MTUS2: variants seen among roughly 807,000 people sequenced by gnomAD.
The protein encoded by MTUS2 is microtubule-associated tumor suppressor candidate 2.
MTUS2 carries 40 observed loss-of-function variants against 114.1 expected under a neutral mutation model. That is an observed-to-expected ratio of 0.35 (90% CI 0.27 to 0.46). The LOEUF (loss-of-function observed/expected upper bound fraction) is 0.46. Ranked by LOEUF, MTUS2 falls within the 20% of genes least tolerant of loss-of-function variation. The pLI is 1.00. For synonymous variants in MTUS2, 688 were observed against 672.0 expected (o/e 1.02, Z -0.37); for missense variants, 1,679 against 1,705.4 (o/e 0.98, Z 0.27).
At chr13:29,118,240 A>G (rs967113336) in intron 5 of MTUS2, among the ~76,000 whole-genome samples, 4 of 151,726 alleles carry the variant, frequency 2.6e-5, no homozygotes, top group African/African-American at 9.7e-5. Context: ...GAATAGTGAT[A>G]CTGGCACCCT....
At chr13:29,022,386 T>C (rs1886328650) in intron 2 of MTUS2, among the ~76,000 whole-genome samples, 1 of 152,170 alleles carries the variant, frequency 6.6e-6, no homozygotes, top group Admixed American at 6.5e-5. Context: ...TTTTATTAAA[T>C]AGAGATAGGG....
chr13:28,908,594 A>G (rs1017508917), intron 2 of MTUS2, among the ~76,000 whole-genome samples: 12 of 151,474 alleles, frequency 7.9e-5, no homozygotes, highest in African/African-American at 1.5e-4. Flanking sequence ...TAGTGCCGCA[A>G]TAAACATACA....
At chr13:29,161,842 A>G (rs1593543244) in intron 5 of MTUS2, among the ~76,000 whole-genome samples, 1 of 151,852 alleles carries the variant, frequency 6.6e-6, no homozygotes, top group South Asian at 2.1e-4. Flanking sequence ...CCTGGTTCCC[A>G]CTCTCTGCCT....
At chr13:29,203,585 T>C (rs536826636) in intron 5 of MTUS2, among the ~76,000 whole-genome samples, 27 of 142,216 alleles carry the variant, frequency 1.9e-4, no homozygotes, top group African/African-American at 5.9e-4. Context: ...AAAAAACTCC[T>C]GCAGCTAGCT....
At chr13:29,290,912 A>G (rs1477139930) in intron 6 of MTUS2, among the ~76,000 whole-genome samples, 1 of 152,218 alleles carries the variant, frequency 6.6e-6, no homozygotes, top group African/African-American at 2.4e-5. Flanking sequence ...ATAGCTGCCG[A>G]ATAAATGAAA....
chr13:28,950,989 T>G (rs1235494816), intron 2 of MTUS2, among the ~76,000 whole-genome samples: 2 of 152,180 alleles, frequency 1.3e-5, no homozygotes, highest in Non-Finnish European at 2.9e-5. Flanking sequence ...AAAAGACATC[T>G]AAATTGAGAA....
In MTUS2 at chr13:29,390,035, GTA is replaced by G. The variant is rs1593390017; in HGVS notation, c.3117+30564_3117+30565del. On this transcript the variant is annotated intron_variant, in intron 8 of 15. Coordinates refer to ENST00000612955, the MANE Select transcript of MTUS2 (RefSeq NM_001033602.4). ...TACACATACATGTATGTGTATGTAT[GTA>G]TGTGTATATATACACATACATATAT... is the stretch of plus-strand genomic sequence containing the variant. Among the ~76,000 whole-genome samples the G allele has an allele frequency of 1.9e-3, 4 of 2,112 alleles. 1 individual carries two copies. Among genetic ancestry groups the G allele is most frequent in the Admixed American group, 0.056 (2 of 36 alleles). 1.4% of individuals were successfully genotyped at this position (2,112 alleles called of 152,430 possible). A position where few individuals can be genotyped will look rare whatever the true frequency, so the allele number is the denominator to read the frequency against.
chr13:29,115,848 T>TA (rs1891065617), intron 5 of MTUS2, among the ~76,000 whole-genome samples: 1 of 152,196 alleles, frequency 6.6e-6, no homozygotes, highest in Non-Finnish European at 1.5e-5. Context: ...AACTCAGTGA[T>TA]ATTCAGTGTT....
chr13:29,242,978 G>A (rs1168537602), intron 5 of MTUS2, among the ~76,000 whole-genome samples: 1 of 152,106 alleles, frequency 6.6e-6, no homozygotes, highest in Non-Finnish European at 1.5e-5. Context: ...GCTGGTAACT[G>A]AGATAGGAAA....
chr13:29,217,924 C>G (rs781477188), intron 5 of MTUS2, among the ~76,000 whole-genome samples: 14 of 152,112 alleles, frequency 9.2e-5, no homozygotes, highest in Non-Finnish European at 1.9e-4. Flanking sequence ...TGGAGACCAG[C>G]CTGGGCAACA....
intron 9 of MTUS2, among the ~76,000 whole-genome samples, chr13:29,466,425 G>A (rs1006663954): frequency 1.1e-4 from 16 of 152,146 alleles, no homozygotes; most frequent in Admixed American, 9.2e-4. Flanking sequence ...TTTGTTCCTA[G>A]GAATCCGTTT....
intron 3 of MTUS2, among the ~76,000 whole-genome samples, chr13:29,030,325 C>T (rs1315900978): frequency 6.6e-6 from 1 of 152,166 alleles, no homozygotes; most frequent in Non-Finnish European, 1.5e-5. Context: ...CCTCGAGCAT[C>T]CCAAAGTCTT....
intron 8 of MTUS2, among the ~76,000 whole-genome samples, chr13:29,362,905 G>C (rs1870387829): frequency 6.6e-6 from 1 of 152,192 alleles, no homozygotes; most frequent in East Asian, 1.9e-4. Context: ...AAAGTTGTCA[G>C]CTCTAACACA....
chr13:28,936,663 G>T (rs1881917565), intron 2 of MTUS2, among the ~76,000 whole-genome samples: 1 of 152,102 alleles, frequency 6.6e-6, no homozygotes, highest in African/African-American at 2.4e-5. Context: ...AGGAGGGCGT[G>T]TGGGGTGTGA....
chr13:29,359,147 G>A (rs1225549861), intron 7 of MTUS2, 115 bp from the exon 8 acceptor site: 25 of 983,426 alleles, frequency 2.5e-5, no homozygotes, highest in South Asian at 1.8e-4. Flanking sequence ...ATGACAAACC[G>A]TGGGCAATTT....
chr13:29,117,022 G>C (rs1009534253), intron 5 of MTUS2, among the ~76,000 whole-genome samples: 4 of 152,070 alleles, frequency 2.6e-5, no homozygotes, highest in African/African-American at 9.7e-5. Flanking sequence ...TGCTAGGTAG[G>C]GTTACTTCTT....
intron 15 of MTUS2, among the ~76,000 whole-genome samples, chr13:29,501,453 A>G (rs1334791743): frequency 6.6e-6 from 1 of 152,066 alleles, no homozygotes; most frequent in Non-Finnish European, 1.5e-5. Flanking sequence ...CTGGGAGGGG[A>G]AGGGGTTTAT....
intron 8 of MTUS2, among the ~76,000 whole-genome samples, chr13:29,412,343 T>C (rs1875311370): frequency 6.6e-6 from 1 of 152,228 alleles, no homozygotes. Context: ...TCTATGGAGA[T>C]AATAATATTT....
intron 2 of MTUS2, among the ~76,000 whole-genome samples, chr13:28,909,498 C>G (rs970136072): frequency 6.6e-6 from 1 of 152,032 alleles, no homozygotes; most frequent in Non-Finnish European, 1.5e-5. Flanking sequence ...GTTTAAAACT[C>G]TCAATAAATT....
Sources: allele counts gnomAD v4.1 joint callset (sites outside exome capture counted in the v4.1 genomes callset), GRCh38; gene constraint gnomAD v4.1.1; transcripts MANE v1.5; gene names NCBI Gene and HGNC (gene_info 2026-07-23, HGNC 2026-07-21).